MROH2B: variants seen among roughly 807,000 people sequenced by gnomAD.
The protein encoded by MROH2B is maestro heat like repeat family member 2B.
MROH2B carries 177 observed loss-of-function variants against 208.6 expected under a neutral mutation model. That is an observed-to-expected ratio of 0.85 (90% CI 0.75 to 0.96). MROH2B has a LOEUF of 0.96. Ranked by LOEUF, MROH2B falls within the 40% of genes least tolerant of loss-of-function variation. The probability of loss-of-function intolerance (pLI) is 0.00; values close to 1 mark genes in which losing one functional copy is unlikely to be tolerated. For synonymous variants in MROH2B, 728 were observed against 659.0 expected (o/e 1.10, Z -1.60); for missense variants, 2,002 against 1,878.7 (o/e 1.07, Z -1.21).
chr5:41,052,045 A>G (rs1284414217), intron 12 of MROH2B, among the ~76,000 whole-genome samples: 1 of 152,154 alleles, frequency 6.6e-6, no homozygotes, highest in African/African-American at 2.4e-5. Flanking sequence ...ATGAACTAAG[A>G]CACCGTTGCA....
intron 4 of MROH2B, 110 bp from the exon 5 acceptor site, chr5:41,064,680 G>A (rs1743746989): frequency 2.9e-6 from 2 of 688,606 alleles, no homozygotes; most frequent in African/African-American, 1.8e-5. Context: ...GGAGGCAGAT[G>A]AGGTGTAGTA....
Position 41,052,601 on chromosome 5 carries a change from A to G in MROH2B, c.1108-14T>C, listed in dbSNP as rs760704060. 9.4e-6 allele frequency: 15 copies of G among 1,594,604 alleles called. No individual in the cohort carries two copies. The highest frequency in any genetic ancestry group is 1.7e-4 in the Middle Eastern group (1 of 6,010). On this transcript the variant is annotated splice_polypyrimidine_tract_variant and intron_variant, in intron 11 of 41. Coordinates refer to ENST00000399564, the MANE Select transcript of MROH2B (RefSeq NM_173489.5). ...AGAATTTCTTACCTAGGGTAAGAAC[A>G]ATGCAATAGCAACATTTTACTATGT...
At chr5:41,040,958 C>G (rs2150171161) in intron 19 of MROH2B, among the ~76,000 whole-genome samples, 1 of 152,224 alleles carries the variant, frequency 6.6e-6, no homozygotes, top group Admixed American at 6.5e-5. Flanking sequence ...AACCACTGTG[C>G]CCGGCCATGA....
chr5:41,066,017 A>G (rs1743802897), intron 3 of MROH2B, among the ~76,000 whole-genome samples: 1 of 152,182 alleles, frequency 6.6e-6, no homozygotes. Flanking sequence ...ATAGAGTTCT[A>G]GTAAACTTCG....
chr5:41,026,816 C>G (rs1268754065), intron 24 of MROH2B, among the ~76,000 whole-genome samples: 3 of 152,164 alleles, frequency 2.0e-5, no homozygotes, highest in Non-Finnish European at 4.4e-5. Flanking sequence ...ACCAAAACAG[C>G]ATGGTACTCA....
At chr5:41,016,973 C>A (rs1474718315) in intron 28 of MROH2B, among the ~76,000 whole-genome samples, 1 of 152,128 alleles carries the variant, frequency 6.6e-6, no homozygotes, top group Non-Finnish European at 1.5e-5. Context: ...TTGGCTTTAA[C>A]ACACTTATAA....
chr5:41,055,161 T>C (rs1743407110), intron 10 of MROH2B, among the ~76,000 whole-genome samples: 2 of 152,182 alleles, frequency 1.3e-5, no homozygotes, highest in Non-Finnish European at 2.9e-5. Context: ...CTTCAGTAAA[T>C]CAAAGTGCTA....
At chr5:41,006,292 C>T (rs1007895684) in intron 34 of MROH2B, among the ~76,000 whole-genome samples, 6 of 151,958 alleles carry the variant, frequency 3.9e-5, no homozygotes, top group African/African-American at 1.2e-4. Context: ...GCGATACCAC[C>T]TCACTCCTGC....
At chr5:40,998,851 G>T (rs1037587247) in intron 40 of MROH2B, among the ~76,000 whole-genome samples, 174 bp from the exon 41 acceptor site, 1 of 152,148 alleles carries the variant, frequency 6.6e-6, no homozygotes. Flanking sequence ...CTTCTATTGG[G>T]TCCCGAGTGC....
intron 24 of MROH2B, among the ~76,000 whole-genome samples, chr5:41,029,100 A>C (rs1742479328): frequency 6.6e-6 from 1 of 152,144 alleles, no homozygotes; most frequent in Non-Finnish European, 1.5e-5. Context: ...AACAGTGTAC[A>C]AGGGTTTCCC....
intron 4 of MROH2B, 147 bp downstream of exon 4, chr5:41,065,184 A>T: frequency 1.1e-6 from 1 of 876,482 alleles, no homozygotes; most frequent in Non-Finnish European, 1.7e-6. Context: ...TGCTCATTTT[A>T]AACAGCTGCC....
In MROH2B at chr5:41,032,806, C is replaced by T. The variant is rs201138878; in HGVS notation, c.2377G>A (p.Glu793Lys). The change falls in exon 24 of 42, where the codon GAG (glutamate) becomes AAG (lysine). Residue 793 changes from glutamate (E) to lysine (K), a missense_variant. Coordinates refer to ENST00000399564, the MANE Select transcript of MROH2B (RefSeq NM_173489.5). Reference protein sequence around the residue: ...IGYMLDFIRDEPLDSLASPIR... With the variant: ...IGYMLDFIRDKPLDSLASPIR... ...GGGCTAGCTAAGGAATCCAGGGGCT[C>T]GTCTCTAATGAAGTCCTGAAACATA... 1.6e-5 allele frequency: 26 copies of T among 1,611,914 alleles called. No homozygotes were observed. The highest frequency in any genetic ancestry group is 5.3e-5 in the African/African-American group (4 of 74,850).
At chr5:41,000,597 T>G in intron 38 of MROH2B, 81 bp downstream of exon 38, 1 of 1,488,450 alleles carries the variant, frequency 6.7e-7, no homozygotes, top group Non-Finnish European at 8.9e-7. Context: ...ATCTGGCTCC[T>G]GGTGCAGCTA....
rs1248547445 is a variant in MROH2B at position 41,065,427 on chromosome 5, T to G, written c.265A>C (p.Asn89His). 1 of 1,613,578 alleles carries G rather than the reference T, an allele frequency of 6.2e-7. No individual in the cohort carries two copies. The change falls in exon 4 of 42, where the codon AAC becomes CAC. Residue 89 changes from asparagine to histidine, a missense_variant. Coordinates refer to ENST00000399564, the MANE Select transcript of MROH2B (RefSeq NM_173489.5). The stretch of plus-strand genomic sequence containing the variant: ...CTTTGTACTTCATACATCACAGAGT[T>G]GAAATCATGTGCAGCAAGAGACACC... ...VLVSLAAHDF[N>H]SVMYEVQSNF...
rs572144875 is a variant in MROH2B at position 41,033,089 on chromosome 5, A to T, written c.2313T>A (p.Asp771Glu). The stretch of plus-strand genomic sequence containing the variant: ...CCTTGTAGGAAAACTGGAACCCCTG[A>T]TCCTCAGCATCTTGGACAGCAATGC... ...EIGIAVQDAE[D>E]QGFQFSYKEM... Residue 771 changes from aspartate (D) to glutamate (E), a missense_variant, in exon 23 of 42, where the codon GAT (aspartate) becomes GAA (glutamate). Asp to Glu is a conservative substitution (Grantham distance 45). Coordinates refer to ENST00000399564, the MANE Select transcript of MROH2B (RefSeq NM_173489.5). The T allele has an allele frequency of 6.2e-7, 1 of 1,613,104 alleles. No homozygotes were observed. The highest frequency in any genetic ancestry group is 8.5e-7 in the Non-Finnish European group (1 of 1,179,312).
rs763027330 is a variant in MROH2B at position 41,012,674 on chromosome 5, C to G, written c.3044G>C (p.Gly1015Ala). ...ACAAGTGGGGTTGAGGCTCTCCAGA[C>G]CGTCCAGCATTTCCTCTAGGAACAT... ...ILMFLEEMLD[G>A]LESLNPTCTK... Residue 1015 changes from glycine to alanine, a missense_variant, in exon 30 of 42, where the codon GGT (glycine) becomes GCT (alanine). By Grantham distance (60) the Gly-to-Ala change is moderately conservative (BLOSUM62 0). Transcript: ENST00000399564. 2.5e-6 allele frequency: 4 copies of G among 1,613,888 alleles called. No homozygotes were observed. The highest frequency in any genetic ancestry group is 3.4e-6 in the Non-Finnish European group (4 of 1,179,802).
chr5:41,032,957 T>G lies in MROH2B; in HGVS notation c.2361+84A>C, dbSNP rs1742623799. The G allele has an allele frequency of 5.7e-6, 9 of 1,575,374 alleles. No individual in the cohort carries two copies. The Admixed American group carries it at 1.7e-4, about 29-fold the overall frequency. On this transcript the variant is annotated intron_variant, in intron 23 of 41. Transcript: ENST00000399564. ...GATCTGTTATGTGGGACTGGTGAAG[T>G]CTATTCACTTTTTAAAAAGATAGCC...
chr5:41,032,183 C>A (rs1215861629), intron 24 of MROH2B, among the ~76,000 whole-genome samples: 1 of 152,124 alleles, frequency 6.6e-6, no homozygotes, highest in Non-Finnish European at 1.5e-5. Flanking sequence ...AACTAGTTTA[C>A]ATTGCCAGCT....
intron 21 of MROH2B, among the ~76,000 whole-genome samples, chr5:41,035,559 A>T (rs1489654692): frequency 6.6e-6 from 1 of 152,166 alleles, no homozygotes; most frequent in Non-Finnish European, 1.5e-5. Context: ...AAATATCCTC[A>T]AACTATGCAT....
Sources: gnomAD v4.1 joint callset for allele counts (sites outside exome capture counted in the v4.1 genomes callset) on GRCh38, gnomAD v4.1.1 for gene constraint, MANE v1.5 for transcripts, NCBI Gene and HGNC (gene_info 2026-07-23, HGNC 2026-07-21) for gene names.